The following CD8B variants were observed in gnomAD, a reference collection of about 807,000 sequenced individuals.
CD8B encodes the protein T-cell surface glycoprotein CD8 beta chain.
CD8B carries 6 observed loss-of-function variants against 24.2 expected under a neutral mutation model. That is an observed-to-expected ratio of 0.25 (90% CI 0.14 to 0.49). CD8B has a LOEUF of 0.49. Ranked by LOEUF, CD8B falls within the 20% of genes least tolerant of loss-of-function variation. The pLI, the probability that CD8B is intolerant of heterozygous loss-of-function variation, is 0.98. For missense variants in CD8B, 196 were observed against 271.3 expected (o/e 0.72, Z 1.95); for synonymous variants, 84 against 108.3 (o/e 0.78, Z 1.39).
At position 86,842,209 on chromosome 2, in the gene CD8B, C is replaced by T. The variant is rs1258848886; in HGVS notation, c.*98G>A. ...AGGCAGCTTCAGCAGCCATTGAACT[C>T]TCCAGGGTTGAATGTGTCCCTTCTC... is the stretch of plus-strand genomic sequence containing the variant. On this transcript the variant is annotated 3_prime_UTR_variant, in exon 6 of 6. Coordinates refer to ENST00000390655, the MANE Select transcript of CD8B (RefSeq NM_004931.5). 2.0e-6 allele frequency: 3 copies of T among 1,494,312 alleles called. No individual in the cohort carries two copies. Among genetic ancestry groups the T allele is most frequent in the Non-Finnish European group, 2.7e-6 (3 of 1,121,422 alleles). The allele number at this position is 1,494,312 out of a possible 1,614,324, so 92.6% of individuals were successfully genotyped here.
In CD8B at chr2:86,861,853, G is replaced by T. The variant is rs1676621266; in HGVS notation, c.13C>A (p.Leu5Met). The T allele has an allele frequency of 1.6e-6, 2 of 1,284,658 alleles. No homozygotes were observed. Among genetic ancestry groups the T allele is most frequent in the Admixed American group, 4.0e-5 (1 of 25,182 alleles). 79.6% of individuals were successfully genotyped at this position (1,284,658 alleles called of 1,614,324 possible). MRPR[L>M]WLLLAAQLTV... ...AGCTGCGCGGCCAAGAGGAGCCACA[G>T]CCGCGGCCGCATCGTGGCGCGCCCG... Residue 5 changes from leucine (L) to methionine (M), a missense_variant, in exon 1 of 6, where the codon CTG (leucine) becomes ATG (methionine). By Grantham distance (15) the Leu-to-Met change is conservative. Transcript: ENST00000390655.
At chr2:86,816,910 A>T (rs10207541) in intron 5 of CD8B, among the ~76,000 whole-genome samples, 3,563 of 152,358 alleles carry the variant, frequency 0.023, 128 homozygotes, top group East Asian at 0.12. Flanking sequence ...TTAAAGGACA[A>T]GTCTCAAATT....
intron 5 of CD8B, among the ~76,000 whole-genome samples, chr2:86,827,767 G>A (rs1042235216): frequency 2.0e-5 from 3 of 152,220 alleles, no homozygotes; most frequent in Admixed American, 6.5e-5. Flanking sequence ...TAATGGATCA[G>A]ATTTTGCTAG....
intron 5 of CD8B, among the ~76,000 whole-genome samples, chr2:86,842,777 C>T (rs1294221185): frequency 1.3e-5 from 2 of 152,104 alleles, no homozygotes; most frequent in African/African-American, 4.8e-5. Flanking sequence ...TTTTTGAAGC[C>T]ACAAACCCTT....
chr2:86,850,286 T>TG (rs1199778446), intron 3 of CD8B, among the ~76,000 whole-genome samples: 1 of 152,128 alleles, frequency 6.6e-6, no homozygotes, highest in East Asian at 1.9e-4. Flanking sequence ...CAGGGTCTCC[T>TG]GAGCTCTGGA....
In CD8B at chr2:86,842,086, G is replaced by A. The variant is rs188747147; in HGVS notation, c.*221C>T. On this transcript the variant is annotated 3_prime_UTR_variant, in exon 6 of 6. Coordinates refer to ENST00000390655, the MANE Select transcript of CD8B (RefSeq NM_004931.5). ...TCCAGCACACTCTGTGAAGTGCCCTGGGGGCAATGAAACCTTCTCCCTAGT... is the reference window on the plus strand; with the variant it reads ...TCCAGCACACTCTGTGAAGTGCCCTAGGGGCAATGAAACCTTCTCCCTAGT... The A allele has an allele frequency of 8.9e-4, 1,199 of 1,347,762 alleles. 8 individuals are homozygous for A. The African/African-American group carries it at 0.014, about 16-fold the overall frequency. 83.5% of individuals were successfully genotyped at this position (1,347,762 alleles called of 1,614,324 possible).
chr2:86,859,052 T>C (rs926969238), intron 1 of CD8B, among the ~76,000 whole-genome samples: 1 of 151,990 alleles, frequency 6.6e-6, no homozygotes, highest in Non-Finnish European at 1.5e-5. Context: ...CTGGTTGCCT[T>C]TCACCTCCCC....
intron 3 of CD8B, among the ~76,000 whole-genome samples, chr2:86,849,445 T>A (rs2104559940): frequency 6.6e-6 from 1 of 151,560 alleles, no homozygotes; most frequent in East Asian, 1.9e-4. Context: ...AAAGACCCCA[T>A]GGTGTGTGAT....
intron 5 of CD8B, among the ~76,000 whole-genome samples, chr2:86,820,221 C>T (rs184068897): frequency 1.4e-4 from 21 of 152,278 alleles, no homozygotes; most frequent in African/African-American, 4.1e-4. Flanking sequence ...GAGAAAGAGG[C>T]GTCAGTATTT....
At chr2:86,822,412 T>TA (rs764511442) in intron 5 of CD8B, 1 of 1,264,766 alleles carries the variant, frequency 7.9e-7, no homozygotes, top group Non-Finnish European at 1.1e-6. Context: ...TGTTAAATGT[T>TA]AAAAGCAATG....
chr2:86,822,328 T>C (rs758130558), intron 5 of CD8B: 2 of 1,578,210 alleles, frequency 1.3e-6, no homozygotes, highest in Non-Finnish European at 8.7e-7. Context: ...TACCTGTATA[T>C]TCAGTAGTCC....
chr2:86,818,584 C>T (rs1674348373), intron 5 of CD8B, among the ~76,000 whole-genome samples: 1 of 152,066 alleles, frequency 6.6e-6, no homozygotes, highest in African/African-American at 2.4e-5. Flanking sequence ...CACCATGAAC[C>T]ATGCCCATTT....
chr2:86,853,314 T>G (rs557164488), intron 2 of CD8B, among the ~76,000 whole-genome samples: 2,822 of 151,752 alleles, frequency 0.019, 93 homozygotes, highest in African/African-American at 0.064. Context: ...TGGTGGCATA[T>G]GCCTACAGTC....
chr2:86,847,023 C>T (rs567010900), intron 3 of CD8B, among the ~76,000 whole-genome samples: 3 of 145,942 alleles, frequency 2.1e-5, no homozygotes, highest in South Asian at 2.2e-4. Context: ...CTGCAACTTC[C>T]GCCTCCTGGG....
At chr2:86,849,382 C>T (rs1276569855) in intron 3 of CD8B, among the ~76,000 whole-genome samples, 1 of 151,832 alleles carries the variant, frequency 6.6e-6, no homozygotes, top group Non-Finnish European at 1.5e-5. Flanking sequence ...TATTTGTTCT[C>T]CCAACCTGGA....
In CD8B at chr2:86,839,901, C is replaced by T. The variant is rs1203515716; in HGVS notation, c.*2406G>A. On this transcript the variant is annotated 3_prime_UTR_variant, in exon 6 of 6. Transcript: ENST00000390655. ...GGCCGGGTGAGGGGCCCACCTGAAA[C>T]ACGAACCCTAGAGGAGTCTGGTCCA... Among the ~76,000 whole-genome samples the T allele has an allele frequency of 6.6e-6, 1 of 152,184 alleles. No homozygotes were observed. Among genetic ancestry groups the T allele is most frequent in the African/African-American group, 2.4e-5 (1 of 41,464 alleles).
chr2:86,816,792 A>T (rs964647188), intron 5 of CD8B, among the ~76,000 whole-genome samples: 5 of 152,262 alleles, frequency 3.3e-5, no homozygotes, highest in Non-Finnish European at 2.9e-5. Context: ...CAGAGACATG[A>T]TAAGGCACAG....
downstream of CD8B, among the ~76,000 whole-genome samples, chr2:86,833,639 C>CCCTTCCTTCCTTCCTTCCTTCCTT (rs1553435044): frequency 2.6e-4 from 20 of 75,890 alleles, no homozygotes; most frequent in Non-Finnish European, 4.7e-4. Flanking sequence ...CTCCCTCCCT[C>CCCTTCCTTCCTTCCTTCCTTCCTT]CCTTCCTTCC....
intron 3 of CD8B, among the ~76,000 whole-genome samples, chr2:86,849,764 CG>C (rs1465652766): frequency 7.1e-6 from 1 of 141,612 alleles, no homozygotes; most frequent in Non-Finnish European, 1.5e-5. Flanking sequence ...AGTGCAATGG[CG>C]TGATCTCGGC....
Sources: gnomAD v4.1 joint callset for allele counts (sites outside exome capture counted in the v4.1 genomes callset) on GRCh38, gnomAD v4.1.1 for gene constraint, MANE v1.5 for transcripts, NCBI Gene and HGNC (gene_info 2026-07-23, HGNC 2026-07-21) for gene names.